Variants in RBFOX1 observed in about 807,000 individuals in gnomAD.
RBFOX1 encodes the protein RNA binding protein fox-1 homolog 1.
RBFOX1 carries 8 observed loss-of-function variants against 57.7 expected under a neutral mutation model. The ratio of observed to expected loss-of-function variants is 0.14; its 90% CI spans 0.08 to 0.25. RBFOX1 has a LOEUF of 0.25. RBFOX1 is among the 10% of genes least tolerant of loss of function. RBFOX1 has a pLI of 1.00. For missense variants in RBFOX1, 611 were observed against 548.5 expected (o/e 1.11, Z -1.14); for synonymous variants, 326 against 222.4 (o/e 1.47, Z -4.15).
At chr16:5,409,761 T>A (rs1211651407) in intron 1 of RBFOX1, among the ~76,000 whole-genome samples, 1 of 152,044 alleles carries the variant, frequency 6.6e-6, no homozygotes, top group African/African-American at 2.4e-5. Flanking sequence ...AAAATCAACA[T>A]GCAGGCTGGG....
At chr16:7,666,046 A>C (rs1000858736) in intron 13 of RBFOX1, among the ~76,000 whole-genome samples, 2 of 152,174 alleles carry the variant, frequency 1.3e-5, no homozygotes, top group African/African-American at 4.8e-5. Context: ...CATATGTCCT[A>C]ATTCACTCAG....
intron 2 of RBFOX1, among the ~76,000 whole-genome samples, chr16:6,455,091 C>A (rs2094735378): frequency 6.7e-6 from 1 of 149,332 alleles, no homozygotes; most frequent in African/African-American, 2.5e-5. Context: ...GACGGGGTTT[C>A]ACTGTGTTAG....
downstream of RBFOX1, among the ~76,000 whole-genome samples, chr16:5,605,070 C>G (rs934391747): frequency 9.2e-5 from 14 of 152,222 alleles, no homozygotes; most frequent in African/African-American, 3.4e-4. Flanking sequence ...AGCATTGACT[C>G]AGGTTTGACG....
At chr16:7,425,969 G>A (rs1183167229) in intron 4 of RBFOX1, among the ~76,000 whole-genome samples, 2 of 152,216 alleles carry the variant, frequency 1.3e-5, no homozygotes, top group East Asian at 3.9e-4. Flanking sequence ...CATGAGCTCA[G>A]ATCAATTGTT....
chr16:6,813,257 C>G (rs1010153173), intron 3 of RBFOX1, among the ~76,000 whole-genome samples: 2 of 152,138 alleles, frequency 1.3e-5, no homozygotes, highest in African/African-American at 2.4e-5. Context: ...AGATAGTATT[C>G]CAGTTCTTTC....
chr16:6,112,048 T>C lies in RBFOX1; in HGVS notation c.-127+92056T>C, dbSNP rs553686391. The stretch of plus-strand genomic sequence containing the variant: ...AAAAAAAGTAGGTGATGTTATAGAT[T>C]GAATGAAGTATTTCACATGAAACAC... On this transcript the variant is annotated intron_variant, in intron 1 of 15. Coordinates refer to ENST00000550418, the MANE Select transcript of RBFOX1 (RefSeq NM_018723.4). 4.1e-4 allele frequency among the ~76,000 whole-genome samples: 62 copies of C among 152,300 alleles called. 1 individual carries two copies. In the Middle Eastern group the frequency reaches 0.017, roughly 42 times the overall value.
rs1253837095 is a variant in RBFOX1 at position 6,391,881 on chromosome 16, C to G, written c.-64+74824C>G. ...TATATTGCACTCATTACAGTGTGCT[C>G]TAATAAATGCATGAACAAAATGTTT... On this transcript the variant is annotated intron_variant, in intron 2 of 15. Coordinates refer to ENST00000550418, the MANE Select transcript of RBFOX1 (RefSeq NM_018723.4). Among the ~76,000 whole-genome samples the G allele has an allele frequency of 4.6e-5, 7 of 152,130 alleles. No homozygotes were observed. In the East Asian group the frequency reaches 1.2e-3, roughly 25 times the overall value.
At chr16:5,392,442 T>C (rs1011436071) in intron 1 of RBFOX1, among the ~76,000 whole-genome samples, 1 of 152,134 alleles carries the variant, frequency 6.6e-6, no homozygotes, top group African/African-American at 2.4e-5. Flanking sequence ...CTTTAGGCAG[T>C]GTAAAATTCT....
intron 10 of RBFOX1, among the ~76,000 whole-genome samples, chr16:7,608,519 G>A (rs750140526): frequency 1.3e-5 from 2 of 152,202 alleles, no homozygotes; most frequent in Non-Finnish European, 2.9e-5. Context: ...TCTTGTGGGG[G>A]AAGAGACTTA....
intron 3 of RBFOX1, among the ~76,000 whole-genome samples, chr16:6,765,281 C>G (rs2077175973): frequency 6.6e-6 from 1 of 152,126 alleles, no homozygotes; most frequent in African/African-American, 2.4e-5. Flanking sequence ...ATTGCAAACA[C>G]AATATATAGC....
In RBFOX1 at chr16:6,665,588, A is replaced by C. The variant is rs149778298; in HGVS notation, c.-16+10938A>C. 4.0e-3 allele frequency among the ~76,000 whole-genome samples: 612 copies of C among 151,380 alleles called. 4 individuals are homozygous for C. The highest frequency in any genetic ancestry group is 0.013 in the African/African-American group (550 of 41,248). On this transcript the variant is annotated intron_variant, in intron 3 of 15. Transcript: ENST00000550418. Reference sequence around the variant, plus strand: ...TGCAGTGAGCTGAGATTGTGCCATCACATTCCAGTCTGGGTAACAAGAGTG... The same window carrying C: ...TGCAGTGAGCTGAGATTGTGCCATCCCATTCCAGTCTGGGTAACAAGAGTG...
chr16:6,765,518 CTTAAAG>C (rs1379695728), intron 3 of RBFOX1, among the ~76,000 whole-genome samples: 2 of 138,694 alleles, frequency 1.4e-5, no homozygotes, highest in Non-Finnish European at 3.3e-5. Flanking sequence ...TACACCTCAA[CTTAAAG>C]TTTAAGAAAA....
intron 3 of RBFOX1, among the ~76,000 whole-genome samples, chr16:7,016,529 G>A (rs530021952): frequency 6.6e-6 from 1 of 152,140 alleles, no homozygotes; most frequent in Non-Finnish European, 1.5e-5. Flanking sequence ...GCACACCTAT[G>A]TGCCAAGCAT....
chr16:6,867,012 T>C (rs1042872570), intron 3 of RBFOX1, among the ~76,000 whole-genome samples: 2 of 54,782 alleles, frequency 3.7e-5, no homozygotes, highest in Non-Finnish European at 6.2e-5. Flanking sequence ...TGTTAGCTGT[T>C]CTTTAAAAAA....
intron 2 of RBFOX1, among the ~76,000 whole-genome samples, chr16:5,504,621 AC>A (rs1248534193): frequency 6.6e-6 from 1 of 152,166 alleles, no homozygotes; most frequent in African/African-American, 2.4e-5. Flanking sequence ...CAGCAAGTAA[AC>A]CAGGCACAAG....
chr16:6,546,198 T>C (rs2096892816), intron 2 of RBFOX1, among the ~76,000 whole-genome samples: 2 of 152,192 alleles, frequency 1.3e-5, no homozygotes, highest in South Asian at 2.1e-4. Context: ...GTATTGTTTG[T>C]CTAGGTAGGG....
chr16:5,628,576 A>G (rs944820849), intron 3 of RBFOX1, among the ~76,000 whole-genome samples: 8 of 152,200 alleles, frequency 5.3e-5, no homozygotes, highest in African/African-American at 1.9e-4. Context: ...GAACTGCTGA[A>G]CTGTCCTAGA....
intron 2 of RBFOX1, among the ~76,000 whole-genome samples, chr16:6,375,429 C>T (rs966926381): frequency 1.2e-4 from 17 of 147,384 alleles, no homozygotes; most frequent in Admixed American, 2.0e-4. Context: ...TTTTTTTTAA[C>T]CCTCCTAGGA....
chr16:5,666,263 A>G (rs2049841459), intron 3 of RBFOX1, among the ~76,000 whole-genome samples: 1 of 152,218 alleles, frequency 6.6e-6, no homozygotes, highest in African/African-American at 2.4e-5. Flanking sequence ...TAAATGCATG[A>G]TTGGAGCCTC....
Sources: gnomAD v4.1 joint callset for allele counts (sites outside exome capture counted in the v4.1 genomes callset) on GRCh38, gnomAD v4.1.1 for gene constraint, MANE v1.5 for transcripts, NCBI Gene and HGNC (gene_info 2026-07-23, HGNC 2026-07-21) for gene names.